The following RFX3 variants were observed in gnomAD, a reference collection of about 807,000 sequenced individuals.
RFX3 encodes regulatory factor X3.
In RFX3, 14 loss-of-function variants were observed where a neutral mutation model predicts 98.6. The observed-to-expected ratio is 0.14, with a 90% CI of 0.09 to 0.22. RFX3 has a LOEUF of 0.22. Ranked by LOEUF, RFX3 falls within the 10% of genes least tolerant of loss-of-function variation. The probability of loss-of-function intolerance (pLI) is 1.00; values close to 1 mark genes in which losing one functional copy is unlikely to be tolerated. For synonymous variants in RFX3, 383 were observed against 328.4 expected (o/e 1.17, Z -1.80); for missense variants, 639 against 926.9 (o/e 0.69, Z 4.03).
chr9:3,266,982 T>C (rs1200788883), intron 11 of RFX3, among the ~76,000 whole-genome samples: 1 of 152,034 alleles, frequency 6.6e-6, no homozygotes, highest in Non-Finnish European at 1.5e-5. Flanking sequence ...ATCCTTGACA[T>C]ATCTGTTAAA....
intron 1 of RFX3, among the ~76,000 whole-genome samples, chr9:3,472,017 G>A (rs960084406): frequency 1.3e-5 from 2 of 152,196 alleles, no homozygotes; most frequent in African/African-American, 4.8e-5. Flanking sequence ...ATGAGGTCCT[G>A]GGACACAGAA....
At chr9:3,370,187 A>T (rs1019225538) in intron 2 of RFX3, among the ~76,000 whole-genome samples, 1 of 94,402 alleles carries the variant, frequency 1.1e-5, no homozygotes. Context: ...TCAAATTATT[A>T]AAAAAAAAAA....
intron 1 of RFX3, among the ~76,000 whole-genome samples, chr9:3,416,913 T>C (rs1843033136): frequency 6.6e-6 from 1 of 151,954 alleles, no homozygotes; most frequent in Non-Finnish European, 1.5e-5. Context: ...AAATAAAATT[T>C]AAACACACCA....
At chr9:3,411,376 T>C (rs1158090330) in intron 1 of RFX3, among the ~76,000 whole-genome samples, 5 of 152,122 alleles carry the variant, frequency 3.3e-5, no homozygotes, top group Non-Finnish European at 7.4e-5. Context: ...ATTTATTTAT[T>C]TTTTGAGACA....
At chr9:3,462,645 G>A (rs1296028587) in intron 1 of RFX3, among the ~76,000 whole-genome samples, 1 of 151,976 alleles carries the variant, frequency 6.6e-6, no homozygotes. Flanking sequence ...ACATTTTTAA[G>A]AGTTTACCAA....
chr9:3,392,457 T>C (rs1468030609), intron 2 of RFX3, among the ~76,000 whole-genome samples: 1 of 145,872 alleles, frequency 6.9e-6, no homozygotes, highest in Non-Finnish European at 1.5e-5. Flanking sequence ...AAAAAAGTGA[T>C]AGAAATTAAA....
intron 5 of RFX3, among the ~76,000 whole-genome samples, chr9:3,296,035 T>G (rs917175177): frequency 6.6e-6 from 1 of 151,914 alleles, no homozygotes; most frequent in African/African-American, 2.4e-5. Context: ...AAATGAGAGC[T>G]TACTTATTTT....
intron 2 of RFX3, among the ~76,000 whole-genome samples, chr9:3,388,643 T>C (rs1187886833): frequency 6.6e-6 from 1 of 152,108 alleles, no homozygotes; most frequent in African/African-American, 2.4e-5. Flanking sequence ...GGAGCTTTTA[T>C]GGCATACAAA....
chr9:3,372,953 C>G (rs183770757), intron 2 of RFX3, among the ~76,000 whole-genome samples: 34 of 152,078 alleles, frequency 2.2e-4, no homozygotes, highest in African/African-American at 7.7e-4. Flanking sequence ...AAAAAGGTTG[C>G]AAACACAAGA....
intron 2 of RFX3, among the ~76,000 whole-genome samples, chr9:3,360,271 T>A (rs199609362): frequency 2.3e-4 from 34 of 150,686 alleles, no homozygotes; most frequent in African/African-American, 7.8e-4. Flanking sequence ...ACTTTAAAAT[T>A]AAAAAAAAAC....
In RFX3 at chr9:3,320,570, CA is replaced by C. The variant is rs76501681; in HGVS notation, c.474+9688del. 5.8e-4 allele frequency among the ~76,000 whole-genome samples: 78 copies of C among 134,962 alleles called. 1 individual carries two copies. The East Asian group carries it at 0.015, about 25-fold the overall frequency. 88.5% of individuals were successfully genotyped at this position (134,962 alleles called of 152,430 possible). On this transcript the variant is annotated intron_variant, in intron 4 of 16. Coordinates refer to ENST00000617270, the MANE Select transcript of RFX3 (RefSeq NM_001282116.2). ...GTCCCACCCCCTCCATAAAAAAAAA[CA>C]AAAAAAAAAACTTTAGGATATCTTA...
intron 2 of RFX3, among the ~76,000 whole-genome samples, chr9:3,372,942 A>G (rs1312893248): frequency 6.6e-6 from 1 of 152,116 alleles, no homozygotes; most frequent in East Asian, 1.9e-4. Flanking sequence ...AATCTCTTGG[A>G]AAAAAGGTTG....
intron 1 of RFX3, among the ~76,000 whole-genome samples, chr9:3,477,547 G>A (rs1849380227): frequency 6.6e-6 from 1 of 152,132 alleles, no homozygotes; most frequent in Non-Finnish European, 1.5e-5. Context: ...TAAGCCTATT[G>A]AGGATTCCTT....
chr9:3,307,854 T>C (rs1158320271), intron 4 of RFX3, among the ~76,000 whole-genome samples: 3 of 152,226 alleles, frequency 2.0e-5, no homozygotes, highest in Non-Finnish European at 4.4e-5. Context: ...CAGTGATATC[T>C]CTCTTCTTGA....
chr9:3,467,716 G>C (rs192955652), intron 1 of RFX3, among the ~76,000 whole-genome samples: 8 of 152,228 alleles, frequency 5.3e-5, no homozygotes, highest in Non-Finnish European at 1.2e-4. Context: ...CCAAGTAAAA[G>C]CATATGCAAC....
intron 1 of RFX3, among the ~76,000 whole-genome samples, chr9:3,411,452 T>C (rs1842460788): frequency 6.6e-6 from 1 of 151,936 alleles, no homozygotes; most frequent in South Asian, 2.1e-4. Context: ...AACCTCCACC[T>C]CCCAGGTTCA....
At chr9:3,508,073 A>G (rs1322577684) in intron 1 of RFX3, among the ~76,000 whole-genome samples, 13 of 151,988 alleles carry the variant, frequency 8.6e-5, no homozygotes, top group Admixed American at 6.6e-4. Flanking sequence ...ATTCTGACAG[A>G]GGGAAACGTA....
intron 6 of RFX3, among the ~76,000 whole-genome samples, chr9:3,290,795 C>T (rs949882420): frequency 1.3e-5 from 2 of 152,074 alleles, no homozygotes; most frequent in African/African-American, 2.4e-5. Flanking sequence ...TACATACAGG[C>T]CTTGTAAATC....
intron 1 of RFX3, among the ~76,000 whole-genome samples, chr9:3,464,503 G>C (rs1848016917): frequency 6.6e-6 from 1 of 152,086 alleles, no homozygotes; most frequent in African/African-American, 2.4e-5. Context: ...ATCTAAAAGA[G>C]GCCAGGTGCA....
Sources: allele counts gnomAD v4.1 joint callset (sites outside exome capture counted in the v4.1 genomes callset), GRCh38; gene constraint gnomAD v4.1.1; transcripts MANE v1.5; gene names NCBI Gene and HGNC (gene_info 2026-07-23, HGNC 2026-07-21).